The following CCDC88A variants were observed in gnomAD, a reference collection of about 807,000 sequenced individuals.
CCDC88A encodes the protein coiled-coil and HOOK domain protein 88A.
CCDC88A carries 54 observed loss-of-function variants against 234.3 expected under a neutral mutation model. The observed-to-expected ratio is 0.23, with a 90% confidence interval of 0.19 to 0.29. The LOEUF (loss-of-function observed/expected upper bound fraction) is 0.29. Among genes scored for constraint, CCDC88A ranks in the 10% least tolerant of loss-of-function variants. CCDC88A has a pLI of 1.00. For synonymous variants in CCDC88A, 753 were observed against 737.8 expected, an observed-to-expected ratio of 1.02 and a Z score of -0.33; for missense variants, 1,832 against 2,123.4, an observed-to-expected ratio of 0.86 and a Z score of 2.70.
chr2:55,372,648 C>T, intron 4 of CCDC88A, 138 bp from the exon 5 acceptor site: 1 of 484,676 alleles, frequency 2.1e-6, no homozygotes, highest in Non-Finnish European at 3.8e-6. Context: ...GTGGAGCATT[C>T]AAAATAGCAG....
chr2:55,405,478 T>C (rs1317873076), intron 2 of CCDC88A: 1 of 152,262 alleles, frequency 6.6e-6, no homozygotes, highest in Non-Finnish European at 1.5e-5. Context: ...TGTTTTCAAA[T>C]ACCTGCTTGG....
intron 9 of CCDC88A, chr2:55,349,032 C>T (rs1669536157): frequency 6.6e-6 from 1 of 152,356 alleles, no homozygotes; most frequent in Non-Finnish European, 1.5e-5. Flanking sequence ...ATTAATTACT[C>T]TTGGTTTAAG....
At chr2:55,313,667 C>T (rs1682611414) in intron 22 of CCDC88A, 2 of 151,934 alleles carry the variant, frequency 1.3e-5, no homozygotes, top group African/African-American at 2.4e-5. Flanking sequence ...CGAGTAGAGC[C>T]CAGAGATCTG....
At chr2:55,295,408 C>T in intron 31 of CCDC88A, 189 bp downstream of exon 31, 1 of 1,548,372 alleles carries the variant, frequency 6.5e-7, no homozygotes, top group East Asian at 2.4e-5. Flanking sequence ...ATTCCGAATG[C>T]ATCACTAGGC....
At chr2:55,418,974 C>T in intron 1 of CCDC88A, 43 bp downstream of exon 1, 2 of 1,598,910 alleles carry the variant, frequency 1.3e-6, no homozygotes, top group Non-Finnish European at 1.7e-6. Context: ...TCTGCAGCCA[C>T]AAATAACTCA....
intron 2 of CCDC88A, among the ~76,000 whole-genome samples, chr2:55,413,158 C>T (rs1352362971): frequency 6.6e-6 from 1 of 151,950 alleles, no homozygotes; most frequent in African/African-American, 2.4e-5. Flanking sequence ...CAGTGGGTTG[C>T]GATTGTGCCA....
chr2:55,377,985 G>T (rs577365466), intron 3 of CCDC88A, among the ~76,000 whole-genome samples: 1 of 151,982 alleles, frequency 6.6e-6, no homozygotes, highest in Admixed American at 6.6e-5. Flanking sequence ...ACTCATTTAC[G>T]TCACTTATTT....
At chr2:55,394,364 C>T (rs1677164482) in intron 2 of CCDC88A, 1 of 152,138 alleles carries the variant, frequency 6.6e-6, no homozygotes, top group South Asian at 2.1e-4. Flanking sequence ...CAAGTCTTTG[C>T]TATTGTGAAT....
chr2:55,339,054 T>G (rs1349974387), intron 13 of CCDC88A: 1 of 155,220 alleles, frequency 6.4e-6, no homozygotes, highest in Non-Finnish European at 1.4e-5. Context: ...CCTCCCGGGT[T>G]CGAGAGAGAT....
intron 2 of CCDC88A, among the ~76,000 whole-genome samples, chr2:55,398,722 G>T (rs1574463038): frequency 6.6e-6 from 1 of 152,024 alleles, no homozygotes; most frequent in Non-Finnish European, 1.5e-5. Context: ...AGACTACCCT[G>T]GGCAACACAG....
At chr2:55,405,731 G>C (rs1428227425) in intron 2 of CCDC88A, 1 of 152,136 alleles carries the variant, frequency 6.6e-6, no homozygotes, top group African/African-American at 2.4e-5. Context: ...CCATACAAGG[G>C]ATCTAAGTTG....
intron 12 of CCDC88A, among the ~76,000 whole-genome samples, chr2:55,341,329 G>C (rs1668464991): frequency 6.6e-6 from 1 of 151,598 alleles, no homozygotes; most frequent in African/African-American, 2.4e-5. Flanking sequence ...TGTATTTTCA[G>C]TAGAGACGGG....
chr2:55,351,378 G>A (rs1165605179), intron 8 of CCDC88A, among the ~76,000 whole-genome samples: 1 of 151,808 alleles, frequency 6.6e-6, no homozygotes. Flanking sequence ...GACAGAGTCT[G>A]ACTCTGTTAC....
At chr2:55,295,240 G>C (rs1183315718) in intron 31 of CCDC88A, 1 of 1,341,978 alleles carries the variant, frequency 7.5e-7, no homozygotes, top group Non-Finnish European at 9.9e-7. Flanking sequence ...TTTTCTTTCT[G>C]TGCAGGTTTA....
chr2:55,317,353 G>T lies in CCDC88A; in HGVS notation c.3603-4C>A, dbSNP rs200429300. ...CTGTTTTAATAACTGATTGTAACTG[G>T]GGGGAAAAAAGGCATTTGGTTTATA... On this transcript the variant is annotated splice_polypyrimidine_tract_variant and splice_region_variant and intron_variant, in intron 20 of 32. Coordinates refer to ENST00000436346, the MANE Select transcript of CCDC88A (RefSeq NM_001365480.1). This position sits in a 1 kb window ranked among gnomAD's most constrained non-coding sequence, Gnocchi z 4.2. 56 of 1,460,106 alleles carry T rather than the reference G, an allele frequency of 3.8e-5. No individual in the cohort carries two copies. The African/African-American group carries it at 7.6e-4, about 20-fold the overall frequency. The allele number at this position is 1,460,106 out of a possible 1,614,324, so 90.4% of individuals were successfully genotyped here. A position where few individuals can be genotyped will look rare whatever the true frequency, so the allele number is the denominator to read the frequency against.
intron 17 of CCDC88A, among the ~76,000 whole-genome samples, chr2:55,327,920 C>G (rs893835518): frequency 7.2e-5 from 11 of 152,198 alleles, no homozygotes; most frequent in Non-Finnish European, 1.3e-4. Flanking sequence ...ACTTGGTATA[C>G]TCACACTCAT....
intron 8 of CCDC88A, among the ~76,000 whole-genome samples, chr2:55,353,769 T>A (rs565282619): frequency 1.3e-5 from 2 of 152,078 alleles, no homozygotes; most frequent in African/African-American, 4.8e-5. Flanking sequence ...CACCAAGGAA[T>A]GCCTATGTAA....
intron 17 of CCDC88A, among the ~76,000 whole-genome samples, chr2:55,327,557 T>C (rs570294442): frequency 6.6e-6 from 1 of 152,316 alleles, no homozygotes; most frequent in South Asian, 2.1e-4. Context: ...TGCTATCTAT[T>C]TGTATTTCTT....
rs1247163238 is a variant in CCDC88A at position 55,296,031 on chromosome 2, A to C, written c.5117T>G (p.Leu1706Arg). 7 of 1,606,126 alleles carry C rather than the reference A, an allele frequency of 4.4e-6. No individual in the cohort carries two copies. The Admixed American group carries it at 5.2e-5, about 12-fold the overall frequency. ...VQIKSSSQEN[L>R]LDEVMKSLSV... ...CAAACTTTTCATTACTTCATCTAAA[A>C]GATTCTCTTGACTTGAGGACTTTAT... The change falls in exon 31 of 33, where the codon CTT becomes CGT. Residue 1706 changes from leucine (L) to arginine (R), a missense_variant. Physicochemically the swap from Leu to Arg is moderately radical, Grantham distance 102 (BLOSUM62 -2). This residue lies in a region of CCDC88A where 422 missense variants were observed against 416.5 expected (regional missense o/e 1.01). Coordinates refer to ENST00000436346, the MANE Select transcript of CCDC88A (RefSeq NM_001365480.1).
Sources: allele counts gnomAD v4.1 joint callset (sites outside exome capture counted in the v4.1 genomes callset), GRCh38; gene constraint gnomAD v4.1.1; regional missense constraint gnomAD v4.1.1; non-coding constraint Gnocchi (gnomAD v3.1); transcripts MANE v1.5; gene names NCBI Gene and HGNC (gene_info 2026-07-23, HGNC 2026-07-21).